Variants in AFF3 observed in about 807,000 individuals in gnomAD.
The protein encoded by AFF3 is ALF transcription elongation factor 3, also known as AF4/FMR2 family member 3.
Under a neutral mutation model 129.7 loss-of-function variants are expected in AFF3, and 32 were observed. That is an observed-to-expected ratio of 0.25 (90% CI 0.19 to 0.33). AFF3 has a LOEUF of 0.33. AFF3 is among the 10% of genes least tolerant of loss of function. AFF3 has a pLI of 1.00. For synonymous variants in AFF3, 644 were observed against 635.4 expected, an observed-to-expected ratio of 1.01 and a Z score of -0.20; for missense variants, 1,373 against 1,592.0, an observed-to-expected ratio of 0.86 and a Z score of 2.34.
intron 12 of AFF3, among the ~76,000 whole-genome samples, chr2:99,655,758 GGA>G (rs1433732545): frequency 2.6e-5 from 4 of 152,132 alleles, no homozygotes; most frequent in Non-Finnish European, 5.9e-5. Flanking sequence ...AAAATAGTAC[GGA>G]GGGAGGCAAT....
chr2:99,605,739 C>A (rs1427091663), intron 13 of AFF3, among the ~76,000 whole-genome samples: 1 of 152,168 alleles, frequency 6.6e-6, no homozygotes, highest in African/African-American at 2.4e-5. Flanking sequence ...GGCTGGAGTG[C>A]AGTAGTGGTC....
At chr2:99,769,806 G>A (rs1256619566) in intron 8 of AFF3, among the ~76,000 whole-genome samples, 1 of 152,214 alleles carries the variant, frequency 6.6e-6, no homozygotes, top group African/African-American at 2.4e-5. Flanking sequence ...ATACCAGACA[G>A]AAACTCTTGT....
chr2:99,992,542 T>A (rs1020645127), intron 7 of AFF3, among the ~76,000 whole-genome samples: 1 of 152,230 alleles, frequency 6.6e-6, no homozygotes, highest in Admixed American at 6.5e-5. Context: ...CGAACCAGAA[T>A]AAGATAATAG....
intron 7 of AFF3, among the ~76,000 whole-genome samples, chr2:99,882,343 C>T (rs1176177686): frequency 6.6e-6 from 1 of 152,230 alleles, no homozygotes; most frequent in East Asian, 1.9e-4. Flanking sequence ...ATTCTAAAGA[C>T]ACTATATTTT....
intron 2 of AFF3, among the ~76,000 whole-genome samples, chr2:100,108,934 T>A (rs1183025340): frequency 7.0e-6 from 1 of 143,000 alleles, no homozygotes; most frequent in Non-Finnish European, 1.5e-5. Context: ...TTTTTTTTTT[T>A]TAACAAAACC....
At chr2:99,884,566 T>G (rs1184877275) in intron 7 of AFF3, among the ~76,000 whole-genome samples, 1 of 119,726 alleles carries the variant, frequency 8.4e-6, no homozygotes, top group African/African-American at 3.4e-5. Context: ...ACCTGGCTAA[T>G]TTTTGTATTT....
chr2:99,819,013 G>A (rs945963050), intron 8 of AFF3, among the ~76,000 whole-genome samples: 2 of 152,274 alleles, frequency 1.3e-5, no homozygotes, highest in African/African-American at 2.4e-5. Flanking sequence ...CCTATCAAAT[G>A]AATGTTCCAC....
intron 4 of AFF3, among the ~76,000 whole-genome samples, chr2:100,089,958 AAAAAACATTT>A (rs1181097426): frequency 3.0e-5 from 1 of 33,564 alleles, no homozygotes; most frequent in Non-Finnish European, 6.1e-5. Context: ...AGATTTTTTA[AAAAAACATTT>A]AAAGTTATTT....
chr2:99,598,746 GA>G (rs1457364959), intron 14 of AFF3, among the ~76,000 whole-genome samples: 1 of 152,198 alleles, frequency 6.6e-6, no homozygotes, highest in Non-Finnish European at 1.5e-5. Flanking sequence ...TGGGGTTCAG[GA>G]AAAGGAGTCT....
intron 7 of AFF3, among the ~76,000 whole-genome samples, chr2:99,846,429 C>T (rs896740033): frequency 1.1e-4 from 16 of 152,190 alleles, no homozygotes; most frequent in African/African-American, 3.6e-4. Flanking sequence ...TGCGCCTGGC[C>T]GAACATTTTC....
At chr2:100,101,607 GTTAT>G (rs976413828) in intron 4 of AFF3, among the ~76,000 whole-genome samples, 3 of 140,760 alleles carry the variant, frequency 2.1e-5, no homozygotes, top group African/African-American at 5.3e-5. Flanking sequence ...CTCTCTCTTT[GTTAT>G]TTTAGTAGGA....
chr2:99,916,358 A>C (rs1301614688), intron 7 of AFF3, among the ~76,000 whole-genome samples: 1 of 152,178 alleles, frequency 6.6e-6, no homozygotes, highest in African/African-American at 2.4e-5. Context: ...TCTATCACTT[A>C]TTTACAAAGT....
At chr2:99,808,118 A>G (rs973264068) in intron 8 of AFF3, among the ~76,000 whole-genome samples, 2 of 152,214 alleles carry the variant, frequency 1.3e-5, no homozygotes, top group Non-Finnish European at 2.9e-5. Flanking sequence ...TGGGTTAAAG[A>G]GAGGCCGGAA....
chr2:99,627,401 T>G (rs1682694967), intron 13 of AFF3, among the ~76,000 whole-genome samples: 1 of 152,154 alleles, frequency 6.6e-6, no homozygotes, highest in African/African-American at 2.4e-5. Context: ...GACCATGTCC[T>G]TTGCCTACTT....
Position 99,593,509 on chromosome 2 carries a change from C to T in AFF3, c.2152G>A (p.Gly718Ser), listed in dbSNP as rs1445636206. 1.2e-6 allele frequency: 2 copies of T among 1,613,376 alleles called. No homozygotes were observed. Among genetic ancestry groups the T allele is most frequent in the Non-Finnish European group, 1.7e-6 (2 of 1,179,830 alleles). Residue 718 changes from glycine to serine, a missense_variant, in exon 15 of 25, where the codon GGT (glycine) becomes AGT (serine). Gly to Ser is a moderately conservative substitution (Grantham distance 56, BLOSUM62 0). Around this residue, in one of 9 missense-constraint regions of AFF3, gnomAD observed 466 missense variants for 505.0 expected, o/e 0.92. Coordinates refer to ENST00000672756, the MANE Select transcript of AFF3 (RefSeq NM_001386135.1). ...ATGGAGCCTACAGGGGCCCTAGGAC[C>T]ACTGCCCCCGTTGGCAGCGGCCTCC... ...LKEAAANGGS[G>S]PRAPVGSINA...
At chr2:99,807,311 A>G (rs898904564) in intron 8 of AFF3, among the ~76,000 whole-genome samples, 10 of 152,184 alleles carry the variant, frequency 6.6e-5, no homozygotes, top group African/African-American at 2.4e-4. Flanking sequence ...TGGCTCCCGA[A>G]GTCTAATAAG....
At chr2:100,027,899 GGTT>G (rs1315527021) in intron 4 of AFF3, among the ~76,000 whole-genome samples, 9 of 152,024 alleles carry the variant, frequency 5.9e-5, no homozygotes, top group African/African-American at 2.2e-4. Flanking sequence ...AAACATTAAA[GGTT>G]GTTAACTAAT....
chr2:99,876,900 G>A (rs1429883445), intron 7 of AFF3, among the ~76,000 whole-genome samples: 4 of 152,060 alleles, frequency 2.6e-5, no homozygotes, highest in East Asian at 3.9e-4. Flanking sequence ...GTCATCCACA[G>A]GCTCTCATTC....
intron 14 of AFF3, among the ~76,000 whole-genome samples, chr2:99,599,752 C>T (rs538628075): frequency 1.8e-3 from 273 of 152,308 alleles, no homozygotes; most frequent in Admixed American, 7.5e-3. Flanking sequence ...GTCCCTGGGA[C>T]GCAGTTATTT....
Sources: gnomAD v4.1 joint callset for allele counts (sites outside exome capture counted in the v4.1 genomes callset) on GRCh38, gnomAD v4.1.1 for gene constraint, gnomAD v4.1.1 regional missense constraint, MANE v1.5 for transcripts, NCBI Gene and HGNC (gene_info 2026-07-23, HGNC 2026-07-21) for gene names.